Variants in HTT observed in about 807,000 individuals in gnomAD.
The protein encoded by HTT is huntington disease protein.
HTT carries 104 observed loss-of-function variants against 362.3 expected under a neutral mutation model. The ratio of observed to expected loss-of-function variants is 0.29; its 90% CI spans 0.24 to 0.34. The LOEUF (loss-of-function observed/expected upper bound fraction) is 0.34, where lower values mean the gene tolerates loss of function less well. Among genes scored for constraint, HTT ranks in the 10% least tolerant of loss-of-function variants. The pLI, the probability that HTT is intolerant of heterozygous loss-of-function variation, is 1.00. For missense variants in HTT, 3,301 were observed against 3,928.6 expected, an observed-to-expected ratio of 0.84 and a Z score of 4.27; for synonymous variants, 1,577 against 1,548.7, an observed-to-expected ratio of 1.02 and a Z score of -0.43.
intron 11 of HTT, 123 bp downstream of exon 11, chr4:3,125,752 T>C: frequency 1.4e-6 from 1 of 710,804 alleles, no homozygotes; most frequent in Non-Finnish European, 2.5e-6. Flanking sequence ...GGAGCCAGGT[T>C]GCTTAAATGG....
intron 45 of HTT, among the ~76,000 whole-genome samples, chr4:3,208,252 A>C (rs1171889777): frequency 6.6e-6 from 1 of 152,226 alleles, no homozygotes; most frequent in Non-Finnish European, 1.5e-5. Context: ...CGGGAGATAA[A>C]CTATTATTAC....
intron 40 of HTT, among the ~76,000 whole-genome samples, chr4:3,195,463 C>G (rs1719204474): frequency 6.6e-6 from 1 of 152,044 alleles, no homozygotes; most frequent in African/African-American, 2.4e-5. Context: ...GGCACTTGGT[C>G]CCTTTCTCTT....
chr4:3,184,363 G>A (rs1031823851), intron 37 of HTT, among the ~76,000 whole-genome samples: 3 of 152,008 alleles, frequency 2.0e-5, no homozygotes, highest in Non-Finnish European at 4.4e-5. Context: ...GGTGAGGCCA[G>A]TGTGGAGGAG....
intron 56 of HTT, among the ~76,000 whole-genome samples, chr4:3,224,875 C>G (rs560262357): frequency 1.3e-5 from 2 of 152,290 alleles, no homozygotes; most frequent in South Asian, 4.1e-4. Context: ...TGGATCCAGC[C>G]TTCAAGGAGC....
chr4:3,130,513 C>T, intron 14 of HTT, 90 bp downstream of exon 14: 3 of 683,534 alleles, frequency 4.4e-6, no homozygotes, highest in South Asian at 2.2e-5. Flanking sequence ...TTATTGCTTT[C>T]CCATCCCTGG....
At chr4:3,175,531 C>T (rs960571857) in intron 33 of HTT, among the ~76,000 whole-genome samples, 2 of 152,336 alleles carry the variant, frequency 1.3e-5, no homozygotes, top group Middle Eastern at 3.4e-3. Flanking sequence ...CTAACAGGTT[C>T]ACTTACCTCT....
At chr4:3,082,009 C>A (rs1260117560) in intron 1 of HTT, among the ~76,000 whole-genome samples, 1 of 151,886 alleles carries the variant, frequency 6.6e-6, no homozygotes. Flanking sequence ...TGTCTAACTT[C>A]CTAAGAACAA....
intron 26 of HTT, 143 bp downstream of exon 26, chr4:3,148,350 A>G: frequency 1.5e-6 from 1 of 652,126 alleles, no homozygotes; most frequent in South Asian, 2.2e-5. Flanking sequence ...ACTAAATTTA[A>G]CATCAAAATG....
intron 6 of HTT, among the ~76,000 whole-genome samples, chr4:3,111,210 T>TC (rs988808927): frequency 1.3e-5 from 2 of 151,070 alleles, no homozygotes; most frequent in African/African-American, 4.9e-5. Flanking sequence ...TTTTTTTTTT[T>TC]TGAGATGGAG....
Position 3,135,978 on chromosome 4 carries a change from T to G in HTT, c.2697+11T>G. ...CATCATTATACAGGGGTAAGCGGTT[T>G]ATTTTTGTGAGATGCTGTTTTACCT... On this transcript the variant is annotated intron_variant, in intron 20 of 66. Coordinates refer to ENST00000355072, the MANE Select transcript of HTT (RefSeq NM_001388492.1). 6.4e-7 allele frequency: 1 copy of G among 1,572,732 alleles called. No individual in the cohort carries two copies. Among genetic ancestry groups the G allele is most frequent in the Non-Finnish European group, 8.6e-7 (1 of 1,161,690 alleles).
intron 41 of HTT, among the ~76,000 whole-genome samples, chr4:3,201,066 C>G (rs2110263389): frequency 6.6e-6 from 1 of 152,240 alleles, no homozygotes; most frequent in East Asian, 1.9e-4. Flanking sequence ...AGAAATAAAC[C>G]AAAGGTAAAT....
intron 40 of HTT, among the ~76,000 whole-genome samples, chr4:3,199,034 C>T (rs1235360634): frequency 6.6e-6 from 1 of 152,224 alleles, no homozygotes; most frequent in East Asian, 1.9e-4. Context: ...CTGTTCCTGC[C>T]TGTGTAGCTG....
chr4:3,220,125 A>T (rs1348571115), intron 52 of HTT, 57 bp from the exon 53 acceptor site: 1 of 1,594,918 alleles, frequency 6.3e-7, no homozygotes, highest in Non-Finnish European at 8.6e-7. Flanking sequence ...CTGCTTCCTC[A>T]CAGTATGTCT....
At chr4:3,078,004 G>C (rs1295587258) in intron 1 of HTT, among the ~76,000 whole-genome samples, 2 of 152,160 alleles carry the variant, frequency 1.3e-5, no homozygotes, top group African/African-American at 4.8e-5. Context: ...CTTGCTCTTT[G>C]GTGTGGAACT....
chr4:3,174,951 T>G lies in HTT; in HGVS notation c.4251T>G (p.Ala1417=), dbSNP rs781216636. 3.1e-6 allele frequency: 5 copies of G among 1,588,940 alleles called. No individual in the cohort carries two copies. The highest frequency in any genetic ancestry group is 4.3e-6 in the Non-Finnish European group (5 of 1,163,566). ...SVTKNRADKN[A]IHNHIRLFEP... is the part of the protein sequence containing the mutation. ...TCTTTTTTTCTTTTTTATAGAATGC[T>G]ATTCATAATCACATTCGTTTGTTTG... The change falls in exon 33 of 67, where the codon GCT becomes GCG. Residue 1417 remains alanine (A), a synonymous_variant. Transcript: ENST00000355072.
intron 30 of HTT, 37 bp downstream of exon 30, chr4:3,172,434 T>C: frequency 7.3e-7 from 1 of 1,373,018 alleles, no homozygotes; most frequent in East Asian, 2.3e-5. Context: ...TGTTAAGACG[T>C]TCGGGTATGA....
At chr4:3,186,986 G>C (rs1278607790) in intron 38 of HTT, among the ~76,000 whole-genome samples, 1 of 151,560 alleles carries the variant, frequency 6.6e-6, no homozygotes, top group East Asian at 1.9e-4. Flanking sequence ...AGCCTCCCGA[G>C]TTGCTGGGAC....
intron 21 of HTT, among the ~76,000 whole-genome samples, chr4:3,140,257 T>C (rs1284530329): frequency 5.1e-5 from 7 of 136,882 alleles, no homozygotes; most frequent in Non-Finnish European, 9.3e-5. Flanking sequence ...TGACATTCTG[T>C]CTCAAAAAAA....
intron 40 of HTT, among the ~76,000 whole-genome samples, chr4:3,189,944 A>G (rs920604607): frequency 4.6e-5 from 7 of 152,120 alleles, no homozygotes; most frequent in African/African-American, 1.7e-4. Context: ...TGAGCCCAGG[A>G]GGTTAAGTCT....
Sources: gnomAD v4.1 joint callset for allele counts (sites outside exome capture counted in the v4.1 genomes callset) on GRCh38, gnomAD v4.1.1 for gene constraint, MANE v1.5 for transcripts, NCBI Gene and HGNC (gene_info 2026-07-23, HGNC 2026-07-21) for gene names.